LRP1B: variants seen among roughly 807,000 people sequenced by gnomAD.
The protein encoded by LRP1B is LDL receptor related protein 1B, also known as low-density lipoprotein receptor-related protein 1B.
In LRP1B, 217 loss-of-function variants were observed where a neutral mutation model predicts 556.6. The observed-to-expected ratio is 0.39, with a 90% CI of 0.35 to 0.44. The LOEUF is 0.44. Among genes scored for constraint, LRP1B ranks in the 20% least tolerant of loss-of-function variants. LRP1B has a pLI of 1.00. For synonymous variants in LRP1B, 2,047 were observed against 1,865.8 expected, an observed-to-expected ratio of 1.10 and a Z score of -2.50; for missense variants, 5,053 against 5,620.8, an observed-to-expected ratio of 0.90 and a Z score of 3.23.
chr2:141,045,268 T>G lies in LRP1B; in HGVS notation c.1789+3718A>C, dbSNP rs1213394285. 6.8e-5 allele frequency among the ~76,000 whole-genome samples: 6 copies of G among 87,656 alleles called. No individual in the cohort carries two copies. In the East Asian group the frequency reaches 2.3e-3, roughly 33 times the overall value. The allele number at this position is 87,656 out of a possible 152,430, so 57.5% of individuals were successfully genotyped here. A position where few individuals can be genotyped will look rare whatever the true frequency, so the allele number is the denominator to read the frequency against. ...GGGAATATCACACTCTGGGGACTGT[T>G]GTGGGGTGGGGGGAGGGGGGAGGGA... is the stretch of plus-strand genomic sequence containing the variant. On this transcript the variant is annotated intron_variant, in intron 11 of 90. Transcript: ENST00000389484.
At chr2:141,943,892 G>C (rs1293863315) in intron 1 of LRP1B, among the ~76,000 whole-genome samples, 1 of 152,070 alleles carries the variant, frequency 6.6e-6, no homozygotes, top group African/African-American at 2.4e-5. Flanking sequence ...TGGAATTATT[G>C]GGCAAATAGG....
At chr2:141,993,084 C>G (rs1201078993) in intron 1 of LRP1B, among the ~76,000 whole-genome samples, 2 of 152,004 alleles carry the variant, frequency 1.3e-5, no homozygotes, top group African/African-American at 4.8e-5. Flanking sequence ...AAAAACCAAG[C>G]TGAAAGAGTT....
At chr2:140,484,986 A>G (rs1194570336) in intron 59 of LRP1B, among the ~76,000 whole-genome samples, 2 of 152,236 alleles carry the variant, frequency 1.3e-5, no homozygotes, top group Middle Eastern at 3.4e-3. Flanking sequence ...GACTACCCCA[A>G]CCACTGCAAA....
At position 142,059,242 on chromosome 2, in the gene LRP1B, G is replaced by A. The variant is rs376822044; in HGVS notation, c.82+71406C>T. 1.6e-4 allele frequency among the ~76,000 whole-genome samples: 24 copies of A among 152,194 alleles called. No individual in the cohort carries two copies. The East Asian group carries it at 3.1e-3, about 20-fold the overall frequency. On this transcript the variant is annotated intron_variant, in intron 1 of 90. Coordinates refer to ENST00000389484, the MANE Select transcript of LRP1B (RefSeq NM_018557.3). ...ATTGTGGGAATGGTTACACCACTCT[G>A]TAAATATACTAAAAGTCATAATGAC... is the stretch of plus-strand genomic sequence containing the variant.
chr2:141,706,196 GAACACTTACTTTACCTC>G (rs747209493), intron 2 of LRP1B, among the ~76,000 whole-genome samples: 17 of 151,872 alleles, frequency 1.1e-4, no homozygotes, highest in Non-Finnish European at 1.2e-4. Context: ...ATTCTCAGTG[GAACACTTACTTTACCTC>G]AACGCTGAGG....
chr2:140,418,253 G>C (rs1039060107), intron 66 of LRP1B, among the ~76,000 whole-genome samples: 1 of 152,186 alleles, frequency 6.6e-6, no homozygotes, highest in African/African-American at 2.4e-5. Flanking sequence ...GAAAGAGACT[G>C]AACCAGGACT....
At chr2:141,038,962 AAC>A in intron 11 of LRP1B, among the ~76,000 whole-genome samples, 1 of 152,200 alleles carries the variant, frequency 6.6e-6, no homozygotes, top group East Asian at 1.9e-4. Context: ...ATAATAATAC[AAC>A]AGTCTTAACC....
intron 2 of LRP1B, among the ~76,000 whole-genome samples, chr2:141,621,499 T>C: frequency 6.6e-6 from 1 of 152,190 alleles, no homozygotes. Context: ...TTTCTAGATG[T>C]GAATGAAATT....
intron 43 of LRP1B, among the ~76,000 whole-genome samples, chr2:140,571,521 G>A (rs933353342): frequency 2.0e-5 from 3 of 151,574 alleles, no homozygotes; most frequent in Non-Finnish European, 3.0e-5. Context: ...GGACACCAAG[G>A]TGGAAAGACA....
At chr2:142,104,098 T>C (rs1452686026) in intron 1 of LRP1B, among the ~76,000 whole-genome samples, 2 of 152,240 alleles carry the variant, frequency 1.3e-5, no homozygotes, top group Non-Finnish European at 2.9e-5. Flanking sequence ...TCCAAGAGGA[T>C]ATTTATGAAC....
intron 27 of LRP1B, among the ~76,000 whole-genome samples, chr2:140,866,988 T>C (rs1312004755): frequency 5.9e-5 from 9 of 152,118 alleles, no homozygotes; most frequent in African/African-American, 2.2e-4. Flanking sequence ...TCAAATGAGA[T>C]TTCCAAGGGT....
chr2:140,593,578 A>G (rs537177737), intron 43 of LRP1B, among the ~76,000 whole-genome samples: 69 of 152,326 alleles, frequency 4.5e-4, no homozygotes, highest in African/African-American at 1.6e-3. Flanking sequence ...CTCGATATTT[A>G]GGTAGAACCA....
chr2:141,685,185 T>C (rs1691250517), intron 2 of LRP1B, among the ~76,000 whole-genome samples: 1 of 152,084 alleles, frequency 6.6e-6, no homozygotes, highest in South Asian at 2.1e-4. Context: ...ACACCATTCA[T>C]TGTATTTTGA....
chr2:140,746,941 T>A (rs1246746089), intron 35 of LRP1B, among the ~76,000 whole-genome samples: 3 of 151,720 alleles, frequency 2.0e-5, no homozygotes, highest in Non-Finnish European at 2.9e-5. Context: ...AGAAAAAAAA[T>A]CTGAAAACAC....
chr2:140,864,554 A>G lies in LRP1B; in HGVS notation c.4579+3036T>C, dbSNP rs1002164769. Among the ~76,000 whole-genome samples, 35 of 152,066 alleles carry G rather than the reference A, an allele frequency of 2.3e-4. 1 individual carries two copies. Among genetic ancestry groups the G allele is most frequent in the Admixed American group, 2.3e-3 (35 of 15,258 alleles). ...ATTACAAAGTCATAATCACAAAACC[A>G]TTTTTATTTAATGCTTCATTATATA... On this transcript the variant is annotated intron_variant, in intron 27 of 90. Coordinates refer to ENST00000389484, the MANE Select transcript of LRP1B (RefSeq NM_018557.3).
chr2:141,961,280 T>G (rs539449963), intron 1 of LRP1B, among the ~76,000 whole-genome samples: 1 of 151,874 alleles, frequency 6.6e-6, no homozygotes, highest in Admixed American at 6.6e-5. Flanking sequence ...TGACACTTTG[T>G]TTTTGATGTA....
chr2:140,765,346 AAGG>A (rs777961058), intron 35 of LRP1B, among the ~76,000 whole-genome samples: 6 of 152,148 alleles, frequency 3.9e-5, no homozygotes, highest in African/African-American at 1.4e-4. Context: ...TTTCATTATT[AAGG>A]AGAAGTCATA....
chr2:140,486,756 A>G (rs1267559915), intron 58 of LRP1B, among the ~76,000 whole-genome samples: 1 of 151,892 alleles, frequency 6.6e-6, no homozygotes, highest in African/African-American at 2.4e-5. Context: ...GTTGGCTCAA[A>G]TTAATCTATC....
At chr2:141,074,784 T>C (rs1332123724) in intron 7 of LRP1B, among the ~76,000 whole-genome samples, 2 of 151,972 alleles carry the variant, frequency 1.3e-5, no homozygotes, top group East Asian at 3.9e-4. Flanking sequence ...AAAATACATT[T>C]TCCAGATTAT....
Sources: gnomAD v4.1 joint callset for allele counts (sites outside exome capture counted in the v4.1 genomes callset) on GRCh38, gnomAD v4.1.1 for gene constraint, MANE v1.5 for transcripts, NCBI Gene and HGNC (gene_info 2026-07-23, HGNC 2026-07-21) for gene names.